Variants in RPL35A observed in about 807,000 individuals in gnomAD.
The protein encoded by RPL35A is large ribosomal subunit protein eL33.
A neutral mutation model predicts 16.7 loss-of-function variants in RPL35A; 1 was observed. The ratio of observed to expected loss-of-function variants is 0.06; its 90% CI spans 0.02 to 0.28. RPL35A has a LOEUF of 0.28. RPL35A is among the 10% of genes least tolerant of loss of function. The probability of loss-of-function intolerance (pLI) is 1.00; values close to 1 mark genes in which losing one functional copy is unlikely to be tolerated. For missense variants in RPL35A, 91 were observed against 138.7 expected (o/e 0.66, Z 1.73); for synonymous variants, 58 against 47.0 (o/e 1.23, Z -0.96).
chr3:197,954,525 T>A, intron 4 of RPL35A: 1 of 333,674 alleles, frequency 3.0e-6, no homozygotes, highest in Non-Finnish European at 5.8e-6. Context: ...GTTGTGTTTT[T>A]TTGAGACAAG....
intron 3 of RPL35A, among the ~76,000 whole-genome samples, chr3:197,952,163 T>G (rs866822951): frequency 9.0e-3 from 395 of 44,120 alleles, no homozygotes; most frequent in African/African-American, 0.088. Context: ...AAATTATGGG[T>G]TTTTTTTTTT....
intron 3 of RPL35A, 165 bp from the exon 4 acceptor site, chr3:197,953,838 G>GT (rs2109813352): frequency 1.4e-6 from 1 of 702,572 alleles, no homozygotes; most frequent in East Asian, 2.7e-5. Context: ...GCATACAATA[G>GT]TTACTCGATA....
rs751160471 is a variant in RPL35A at position 197,955,764 on chromosome 3, A to G, written c.324A>G (p.Ser108=). 1 of 1,606,248 alleles carries G rather than the reference A, an allele frequency of 6.2e-7. No individual in the cohort carries two copies. The highest frequency in any genetic ancestry group is 8.5e-7 in the Non-Finnish European group (1 of 1,174,646). ...TTTCCCTGCAGATGCTGTACCCCTC[A>G]AGGATTTAAACTAACGAAAAATCAA... The part of the protein sequence containing the change: ...GHRIRVMLYP[S]RI The change falls in exon 5 of 5, where the codon TCA becomes TCG. Residue 108 remains serine, a synonymous_variant. Transcript: ENST00000647248.
chr3:197,951,162 G>T lies in RPL35A; in HGVS notation c.15G>T (p.Leu5=), dbSNP rs750579091. 1.2e-6 allele frequency: 2 copies of T among 1,614,134 alleles called. No individual in the cohort carries two copies. The highest frequency in any genetic ancestry group is 4.5e-5 in the East Asian group (2 of 44,890). MSGR[L]WSKAIFAGYK... is the part of the protein sequence containing the mutation. Reference sequence around the variant, plus strand: ...TTGTGTATCTTTTGTGTCTTAGGCTGTGGTCCAAGGCCATTTTTGCTGGCT... The same window carrying T: ...TTGTGTATCTTTTGTGTCTTAGGCTTTGGTCCAAGGCCATTTTTGCTGGCT... Residue 5 remains leucine (L), a synonymous_variant, in exon 3 of 5, where the codon CTG becomes CTT. Transcript: ENST00000647248.
At chr3:197,953,831 T>C in intron 3 of RPL35A, 172 bp from the exon 4 acceptor site, 1 of 688,356 alleles carries the variant, frequency 1.5e-6, no homozygotes, top group Non-Finnish European at 2.6e-6. Flanking sequence ...GGGCCTGGCA[T>C]ACAATAGTTA....
chr3:197,953,758 C>T, intron 3 of RPL35A: 1 of 577,006 alleles, frequency 1.7e-6, no homozygotes, highest in Non-Finnish European at 3.1e-6. Flanking sequence ...TATGTATTTT[C>T]CTTAAACTTA....
At chr3:197,953,616 C>T (rs1302637238) in intron 3 of RPL35A, 4 of 458,310 alleles carry the variant, frequency 8.7e-6, no homozygotes, top group African/African-American at 8.0e-5. Context: ...GTCTTTGTTC[C>T]ATGGTCACCT....
chr3:197,955,612 C>A (rs1720467868), intron 4 of RPL35A, 138 bp from the exon 5 acceptor site: 1 of 777,658 alleles, frequency 1.3e-6, no homozygotes, highest in South Asian at 1.4e-5. Flanking sequence ...CACGTAGAGA[C>A]TGAAGGCTAT....
At chr3:197,953,714 A>G (rs1421173024) in intron 3 of RPL35A, 6 of 481,924 alleles carry the variant, frequency 1.2e-5, no homozygotes, top group Admixed American at 3.3e-5. Flanking sequence ...CTTTTTTGCT[A>G]TTTTTTCAAT....
chr3:197,950,415 C>A, intron 1 of RPL35A, 194 bp downstream of exon 1: 1 of 961,060 alleles, frequency 1.0e-6, no homozygotes, highest in Non-Finnish European at 1.3e-6. Flanking sequence ...CGGAGAACGG[C>A]TGCCCGGGTT....
chr3:197,953,605 A>G, intron 3 of RPL35A: 1 of 458,464 alleles, frequency 2.2e-6, no homozygotes, highest in South Asian at 1.5e-5. Flanking sequence ...CTCCCTTTCC[A>G]GTCTTTGTTC....
intron 3 of RPL35A, among the ~76,000 whole-genome samples, chr3:197,952,162 G>GTT (rs1161903755): frequency 0.016 from 1,364 of 83,874 alleles, 212 homozygotes; most frequent in East Asian, 0.069. Context: ...AAAATTATGG[G>GTT]TTTTTTTTTT....
rs1257722259 is a variant in RPL35A, at chr3:197,950,195, C to T, written c.-59C>T. On this transcript the variant is annotated 5_prime_UTR_variant, in exon 1 of 5. Transcript: ENST00000647248. ...CCACGCGGCGGGGCCTCGTCCTTCT[C>T]TTACCGCCATCTTGGCTCCTGTGGA... 5 of 1,231,540 alleles carry T rather than the reference C, an allele frequency of 4.1e-6. No individual in the cohort carries two copies. Among genetic ancestry groups the T allele is most frequent in the Non-Finnish European group, 5.1e-6 (5 of 987,964 alleles). The allele number at this position is 1,231,540 out of a possible 1,614,324, so 76.3% of individuals were successfully genotyped here. A position where few individuals can be genotyped will look rare whatever the true frequency, so the allele number is the denominator to read the frequency against.
rs1445830578 is a variant in RPL35A, at chr3:197,953,989, C to G, written c.165-14C>G. On this transcript the variant is annotated splice_polypyrimidine_tract_variant and intron_variant, in intron 3 of 4. Coordinates refer to ENST00000647248, the MANE Select transcript of RPL35A (RefSeq NM_000996.4). ...ATCAGCTTGTATTCCTCTTCTTTCC[C>G]TTTTTAAAATCAGCAACACAGTCAC... 6.2e-7 allele frequency: 1 copy of G among 1,612,124 alleles called. No homozygotes were observed. Among genetic ancestry groups the G allele is most frequent in the East Asian group, 2.2e-5 (1 of 44,878 alleles).
intron 3 of RPL35A, among the ~76,000 whole-genome samples, chr3:197,952,962 G>A (rs140447330): frequency 1.3e-4 from 20 of 151,406 alleles, no homozygotes; most frequent in East Asian, 3.9e-4. Flanking sequence ...CACCACACCC[G>A]GCTAACTTTT....
chr3:197,952,509 T>G (rs1720195807), intron 3 of RPL35A: 1 of 152,112 alleles, frequency 6.6e-6, no homozygotes, highest in African/African-American at 2.4e-5. Context: ...TTCTTTCTTT[T>G]TTGAGACAGA....
chr3:197,950,990 A>T lies in RPL35A; in HGVS notation c.11+12A>T. The T allele has an allele frequency of 6.2e-7, 1 of 1,613,434 alleles. No homozygotes were observed. The highest frequency in any genetic ancestry group is 1.1e-5 in the South Asian group (1 of 91,066). ...ACTATGTCTGGAAGGTACGCGTTTT[A>T]AATATAGTTCTTTATTTTTGTGTGT... On this transcript the variant is annotated intron_variant, in intron 2 of 4. Transcript: ENST00000647248.
chr3:197,955,941 G>GC lies in RPL35A; in HGVS notation c.*169dup. 1 of 649,114 alleles carries GC rather than the reference G, an allele frequency of 1.5e-6. No individual in the cohort carries two copies. Among genetic ancestry groups the GC allele is most frequent in the Non-Finnish European group, 2.8e-6 (1 of 360,354 alleles). The allele number at this position is 649,114 out of a possible 1,614,324, so 40.2% of individuals were successfully genotyped here. A position where few individuals can be genotyped will look rare whatever the true frequency, so the allele number is the denominator to read the frequency against. On this transcript the variant is annotated 3_prime_UTR_variant, in exon 5 of 5. Transcript: ENST00000647248. ...AGAGACATGTGATGAAAATTACAGGGCGAGTACAGAGATTTAGAAGGGAAC... is the reference window on the plus strand; with the variant it reads ...AGAGACATGTGATGAAAATTACAGGGCCGAGTACAGAGATTTAGAAGGGAAC...
rs569517529 is a variant in RPL35A, at chr3:197,950,527, C to T, written c.-33+306C>T. The T allele has an allele frequency of 9.6e-6, 3 of 311,590 alleles. No homozygotes were observed. In the East Asian group the frequency reaches 1.9e-4, roughly 20 times the overall value. The allele number at this position is 311,590 out of a possible 1,614,324, so 19.3% of individuals were successfully genotyped here. On this transcript the variant is annotated intron_variant, in intron 1 of 4. Transcript: ENST00000647248. The stretch of plus-strand genomic sequence containing the variant: ...TTCCTTCATCCGTTTCCTCCCAGTC[C>T]ATACCTTCCTTGGCTTGTCTGACCA...
Sources: gnomAD v4.1 joint callset for allele counts (sites outside exome capture counted in the v4.1 genomes callset) on GRCh38, gnomAD v4.1.1 for gene constraint, MANE v1.5 for transcripts, NCBI Gene and HGNC (gene_info 2026-07-23, HGNC 2026-07-21) for gene names.